Variants in OSBPL11 observed in about 807,000 individuals in gnomAD.
The protein encoded by OSBPL11 is oxysterol-binding protein-related protein 11.
Under a neutral mutation model 84.4 loss-of-function variants are expected in OSBPL11, and 33 were observed. The observed-to-expected ratio is 0.39, with a 90% confidence interval of 0.30 to 0.52. The LOEUF is 0.52. Ranked by LOEUF, OSBPL11 falls within the 20% of genes least tolerant of loss-of-function variation. The pLI, the probability that OSBPL11 is intolerant of heterozygous loss-of-function variation, is 0.72. For missense variants in OSBPL11, 736 were observed against 901.1 expected (o/e 0.82, Z 2.35); for synonymous variants, 276 against 310.2 (o/e 0.89, Z 1.16).
At chr3:125,555,504 CCCA>C (rs1242093324) in intron 8 of OSBPL11, among the ~76,000 whole-genome samples, 2 of 152,028 alleles carry the variant, frequency 1.3e-5, no homozygotes, top group African/African-American at 4.8e-5. Context: ...ACTGAAAAGG[CCCA>C]CCAAGTGCCC....
intron 1 of OSBPL11, among the ~76,000 whole-genome samples, chr3:125,583,927 G>A (rs1936466449): frequency 6.6e-6 from 1 of 151,798 alleles, no homozygotes; most frequent in African/African-American, 2.4e-5. Flanking sequence ...TTTTTGTTTG[G>A]CTCCCCTATC....
At chr3:125,582,851 T>G in intron 2 of OSBPL11, 59 bp downstream of exon 2, 1 of 1,163,880 alleles carries the variant, frequency 8.6e-7, no homozygotes, top group Non-Finnish European at 1.2e-6. Flanking sequence ...TATAAAATTA[T>G]TGGGCCCTAT....
chr3:125,548,692 T>G (rs532422509), intron 9 of OSBPL11, among the ~76,000 whole-genome samples: 1 of 152,074 alleles, frequency 6.6e-6, no homozygotes, highest in African/African-American at 2.4e-5. Context: ...TTGAAGTGGA[T>G]ATATACTACT....
intron 8 of OSBPL11, among the ~76,000 whole-genome samples, chr3:125,553,190 AG>A (rs1935939046): frequency 6.6e-6 from 1 of 152,230 alleles, no homozygotes; most frequent in South Asian, 2.1e-4. Context: ...GAGAGTCAGA[AG>A]AAACTTCAAA....
intron 7 of OSBPL11, 81 bp downstream of exon 7, chr3:125,563,617 G>A (rs1936109396): frequency 3.6e-6 from 5 of 1,383,754 alleles, no homozygotes; most frequent in Admixed American, 3.6e-5. Flanking sequence ...ATGTGCATGA[G>A]CTGACAATGA....
At chr3:125,559,150 TTAC>T (rs1410349092) in intron 8 of OSBPL11, among the ~76,000 whole-genome samples, 2 of 152,206 alleles carry the variant, frequency 1.3e-5, no homozygotes, top group Non-Finnish European at 2.9e-5. Flanking sequence ...CTGCAAATAT[TTAC>T]TATCTGGCCC....
chr3:125,538,456 T>A lies in OSBPL11; in HGVS notation c.2019A>T (p.Glu673Asp), dbSNP rs775402575. 1.1e-5 allele frequency: 17 copies of A among 1,613,048 alleles called. No homozygotes were observed. The highest frequency in any genetic ancestry group is 1.4e-5 in the Non-Finnish European group (17 of 1,179,470). The change falls in exon 11 of 13, where the codon GAA becomes GAT. Residue 673 changes from glutamate to aspartate, a missense_variant. By Grantham distance (45) the Glu-to-Asp change is conservative. This residue lies in a region of OSBPL11 where 579 missense variants were observed against 717.6 expected (regional missense o/e 0.81). Coordinates refer to ENST00000296220, the MANE Select transcript of OSBPL11 (RefSeq NM_022776.5). ...TAGATGCAAGGATGACATACCTGGA[T>A]TCAAATGGATCCTGCTTCTCCAGAG... ...VRPLEKQDPF[E>D]SRRLWKNVTD...
At chr3:125,585,110 A>C (rs1327148084) in intron 1 of OSBPL11, among the ~76,000 whole-genome samples, 1 of 152,074 alleles carries the variant, frequency 6.6e-6, no homozygotes, top group Non-Finnish European at 1.5e-5. Flanking sequence ...TCAATCGCTA[A>C]AAAGATCCCA....
At chr3:125,593,252 G>A (rs1423801658) in intron 1 of OSBPL11, among the ~76,000 whole-genome samples, 1 of 152,132 alleles carries the variant, frequency 6.6e-6, no homozygotes, top group African/African-American at 2.4e-5. Flanking sequence ...AAATCATGCT[G>A]ATTCCAAAAG....
intron 10 of OSBPL11, 82 bp downstream of exon 10, chr3:125,547,324 C>A: frequency 2.5e-6 from 3 of 1,192,172 alleles, no homozygotes; most frequent in East Asian, 2.4e-5. Context: ...TCACATAGAA[C>A]AGAGCAGAAA....
intron 1 of OSBPL11, among the ~76,000 whole-genome samples, chr3:125,594,285 TC>T (rs1241003184): frequency 6.6e-6 from 1 of 152,228 alleles, no homozygotes. Context: ...GTTAAACAGT[TC>T]CTGCCCTCGC....
At position 125,529,459 on chromosome 3, in the gene OSBPL11, AAAAT is replaced by A. The variant is rs1553731143; in HGVS notation, c.*1052_*1055del. Reference sequence around the variant, plus strand: ...CATTTAAATTTCCTCAAAAAAAAAAAAAATAAATAAAACCATACCTTACATGCGC... The same window carrying A: ...CATTTAAATTTCCTCAAAAAAAAAAAAAATAAAACCATACCTTACATGCGC... On this transcript the variant is annotated 3_prime_UTR_variant, in exon 13 of 13. Transcript: ENST00000296220. The A allele has an allele frequency of 6.6e-6, 1 of 151,466 alleles. No individual in the cohort carries two copies. The highest frequency in any genetic ancestry group is 1.5e-5 in the Non-Finnish European group (1 of 67,922). The allele number at this position is 151,466 out of a possible 1,614,324, so 9.4% of individuals were successfully genotyped here.
chr3:125,576,614 A>G (rs1936328505), intron 4 of OSBPL11, among the ~76,000 whole-genome samples: 2 of 152,200 alleles, frequency 1.3e-5, no homozygotes, highest in Admixed American at 6.5e-5. Flanking sequence ...GTCAAAAAAT[A>G]TTCTTTCACA....
chr3:125,563,335 CTT>C (rs1936105401), intron 7 of OSBPL11, among the ~76,000 whole-genome samples: 2 of 151,868 alleles, frequency 1.3e-5, no homozygotes, highest in Non-Finnish European at 2.9e-5. Flanking sequence ...AGATTATAAA[CTT>C]AATAATAAAT....
intron 11 of OSBPL11, among the ~76,000 whole-genome samples, chr3:125,532,460 A>G (rs1292837478): frequency 6.6e-6 from 1 of 152,038 alleles, no homozygotes; most frequent in East Asian, 1.9e-4. Flanking sequence ...AAGGCAGTGC[A>G]GGGCAGTGAT....
At chr3:125,564,696 C>T (rs1415115359) in intron 6 of OSBPL11, among the ~76,000 whole-genome samples, 2 of 151,324 alleles carry the variant, frequency 1.3e-5, no homozygotes, top group Non-Finnish European at 2.9e-5. Context: ...GCTCTATTGC[C>T]CATGCTGGAG....
intron 10 of OSBPL11, among the ~76,000 whole-genome samples, chr3:125,544,109 G>A (rs534340554): frequency 9.7e-4 from 125 of 129,136 alleles, no homozygotes; most frequent in African/African-American, 3.4e-3. Context: ...CTTCACTCTT[G>A]CAATGGTGCC....
At chr3:125,588,738 G>A (rs994559443) in intron 1 of OSBPL11, among the ~76,000 whole-genome samples, 2 of 152,104 alleles carry the variant, frequency 1.3e-5, no homozygotes, top group African/African-American at 4.8e-5. Flanking sequence ...GATATTCCTC[G>A]CAACAGCTAG....
intron 8 of OSBPL11, among the ~76,000 whole-genome samples, chr3:125,557,087 C>T (rs1260062825): frequency 6.6e-6 from 1 of 152,062 alleles, no homozygotes; most frequent in African/African-American, 2.4e-5. Context: ...AAAGTGAGAG[C>T]TCTGTTATGT....
Sources: allele counts gnomAD v4.1 joint callset (sites outside exome capture counted in the v4.1 genomes callset), GRCh38; gene constraint gnomAD v4.1.1; regional missense constraint gnomAD v4.1.1; transcripts MANE v1.5; gene names NCBI Gene and HGNC (gene_info 2026-07-23, HGNC 2026-07-21).